Variants in PKHD1 observed in about 807,000 individuals in gnomAD.
PKHD1 encodes the protein fibrocystin.
A neutral mutation model predicts 412.0 loss-of-function variants in PKHD1; 291 were observed. The observed-to-expected ratio is 0.71, with a 90% confidence interval of 0.64 to 0.78. The LOEUF (loss-of-function observed/expected upper bound fraction) is 0.78. Ranked by LOEUF, PKHD1 falls within the 30% of genes least tolerant of loss-of-function variation. PKHD1 has a pLI of 0.00. For missense variants in PKHD1, 4,825 were observed against 4,950.7 expected, an observed-to-expected ratio of 0.97 and a Z score of 0.76; for synonymous variants, 1,777 against 1,821.5, an observed-to-expected ratio of 0.98 and a Z score of 0.62.
chr6:51,873,993 C>T (rs545674780), intron 46 of PKHD1, among the ~76,000 whole-genome samples: 1 of 152,132 alleles, frequency 6.6e-6, no homozygotes, highest in Non-Finnish European at 1.5e-5. Context: ...AATGAGATTT[C>T]TCCCAGGGAG....
At chr6:51,888,532 A>T (rs558510309) in intron 43 of PKHD1, among the ~76,000 whole-genome samples, 1 of 152,168 alleles carries the variant, frequency 6.6e-6, no homozygotes, top group Non-Finnish European at 1.5e-5. Context: ...TTAATAAAAA[A>T]TTCAGACTTT....
intron 37 of PKHD1, among the ~76,000 whole-genome samples, chr6:51,930,347 T>TCAAA (rs10666661): frequency 0.49 from 73,772 of 151,430 alleles, 19,592 homozygotes; most frequent in East Asian, 0.87. Context: ...TCATCTACTC[T>TCAAA]CAAACAGAAA....
At chr6:51,895,650 G>C (rs990855544) in intron 43 of PKHD1, among the ~76,000 whole-genome samples, 2 of 152,092 alleles carry the variant, frequency 1.3e-5, no homozygotes, top group South Asian at 2.1e-4. Context: ...AGAACTTTAA[G>C]GTCACCGGAG....
At chr6:51,786,556 C>T (rs1248521593) in intron 53 of PKHD1, among the ~76,000 whole-genome samples, 1 of 152,184 alleles carries the variant, frequency 6.6e-6, no homozygotes, top group African/African-American at 2.4e-5. Context: ...TCATCTACTA[C>T]CACCATTTCA....
chr6:52,065,658 G>C (rs1486047034), intron 12 of PKHD1, among the ~76,000 whole-genome samples: 3 of 152,222 alleles, frequency 2.0e-5, no homozygotes, highest in African/African-American at 7.2e-5. Flanking sequence ...AGAGTGAAGA[G>C]AGGGGCTGTT....
At chr6:51,816,010 A>G (rs1042461660) in intron 52 of PKHD1, among the ~76,000 whole-genome samples, 1 of 152,204 alleles carries the variant, frequency 6.6e-6, no homozygotes, top group African/African-American at 2.4e-5. Flanking sequence ...GCCATAGTAA[A>G]TAAACAGTAA....
chr6:52,071,677 G>A (rs1238934924), intron 8 of PKHD1, among the ~76,000 whole-genome samples: 1 of 152,118 alleles, frequency 6.6e-6, no homozygotes, highest in Non-Finnish European at 1.5e-5. Flanking sequence ...AACTCTAGGG[G>A]ATGATTAGTT....
chr6:51,633,608 A>T (rs1402221729), intron 64 of PKHD1, among the ~76,000 whole-genome samples: 1 of 152,182 alleles, frequency 6.6e-6, no homozygotes, highest in Non-Finnish European at 1.5e-5. Context: ...ATGAGCATAA[A>T]AGGCATTATG....
chr6:51,665,941 G>A (rs1562056348), intron 60 of PKHD1, among the ~76,000 whole-genome samples: 1 of 152,140 alleles, frequency 6.6e-6, no homozygotes, highest in Non-Finnish European at 1.5e-5. Context: ...ACAGGTGGAG[G>A]TGGGTGGGAG....
chr6:51,796,477 T>A (rs2151295495), intron 52 of PKHD1, among the ~76,000 whole-genome samples: 1 of 151,970 alleles, frequency 6.6e-6, no homozygotes, highest in East Asian at 1.9e-4. Flanking sequence ...TTTTGAAGGC[T>A]TTTCATGTCT....
rs148335285 is a variant in PKHD1 at position 52,033,091 on chromosome 6, T to C, written c.3303A>G (p.Thr1101=). 695 of 1,611,108 alleles carry C rather than the reference T, an allele frequency of 4.3e-4. 3 individuals carry two copies. The African/African-American group carries it at 8.3e-3, about 19-fold the overall frequency. The part of the protein sequence containing the change: ...DYSAVLPRAF[T]YVSSLNPVIV... ...TAACTGGATTTAAGGAAGAGACATA[T>C]GTAAATGCTCTGGGAAGAACTGCAG... The change falls in exon 29 of 67, where the codon ACA becomes ACG. Residue 1101 remains threonine, a synonymous_variant. Coordinates refer to ENST00000371117, the MANE Select transcript of PKHD1 (RefSeq NM_138694.4).
chr6:51,950,917 GT>G (rs1790274430), intron 36 of PKHD1, among the ~76,000 whole-genome samples: 1 of 152,168 alleles, frequency 6.6e-6, no homozygotes, highest in Admixed American at 6.5e-5. Context: ...ATGGAAATGT[GT>G]TGGTTTTAGT....
intron 55 of PKHD1, among the ~76,000 whole-genome samples, chr6:51,762,875 A>C (rs1234719028): frequency 6.6e-6 from 1 of 152,070 alleles, no homozygotes. Context: ...TTCTATAGTT[A>C]TGTAATATGC....
Position 51,903,739 on chromosome 6 carries a change from A to T in PKHD1, c.6866-12T>A. ...ATGTCCTGACCAGTCTAATGTTTCAACAAATCCAGGGGATCCACAAACATA... is the reference window on the plus strand; with the variant it reads ...ATGTCCTGACCAGTCTAATGTTTCATCAAATCCAGGGGATCCACAAACATA... On this transcript the variant is annotated splice_polypyrimidine_tract_variant and intron_variant, in intron 42 of 66. Coordinates refer to ENST00000371117, the MANE Select transcript of PKHD1 (RefSeq NM_138694.4). 6.2e-7 allele frequency: 1 copy of T among 1,606,638 alleles called. No homozygotes were observed.
At position 51,632,686 on chromosome 6, in the gene PKHD1, G is replaced by A; in HGVS notation, c.11544C>T (p.Val3848=). The A allele has an allele frequency of 6.2e-7, 1 of 1,613,606 alleles. No individual in the cohort carries two copies. The highest frequency in any genetic ancestry group is 8.5e-7 in the Non-Finnish European group (1 of 1,179,652). ...ACTTCTCCTTCCTAGTCACAGGCAAGACAGCAAATGGCTTGGATCGAGCTG... is the reference window on the plus strand; with the variant it reads ...ACTTCTCCTTCCTAGTCACAGGCAAAACAGCAAATGGCTTGGATCGAGCTG... ...NFTARSKPFA[V]LPVTRKEKST... The change falls in exon 65 of 67, where the codon GTC becomes GTT. Residue 3848 remains valine (V), a synonymous_variant. Transcript: ENST00000371117.
rs138242579 is a variant in PKHD1 at position 52,025,506 on chromosome 6, C to T, written c.4304G>A (p.Ser1435Asn). 1 of 1,613,772 alleles carries T rather than the reference C, an allele frequency of 6.2e-7. No individual in the cohort carries two copies. ...GCAGAGAATGGTGTGGTCTCCCAAA[C>T]TCAAAATCACACAAGTAAAAGGACC... ...LSGPFTCVIL[S>N]LGDHTILCQV... is the part of the protein sequence containing the mutation. The change falls in exon 32 of 67, where the codon AGT (serine) becomes AAT (asparagine). Residue 1435 changes from serine to asparagine, a missense_variant. By Grantham distance (46) the Ser-to-Asn change is conservative. Coordinates refer to ENST00000371117, the MANE Select transcript of PKHD1 (RefSeq NM_138694.4).
At chr6:51,835,571 A>C (rs1769065519) in intron 51 of PKHD1, among the ~76,000 whole-genome samples, 1 of 152,290 alleles carries the variant, frequency 6.6e-6, no homozygotes, top group Non-Finnish European at 1.5e-5. Flanking sequence ...ATTTTGAACC[A>C]CCTAAAGGCA....
intron 60 of PKHD1, among the ~76,000 whole-genome samples, chr6:51,725,470 T>C (rs1245413108): frequency 1.3e-5 from 2 of 152,156 alleles, no homozygotes; most frequent in East Asian, 3.9e-4. Flanking sequence ...ATGTTCATAT[T>C]TTATTTGGAA....
intron 36 of PKHD1, among the ~76,000 whole-genome samples, chr6:51,954,034 G>C (rs929070978): frequency 6.6e-6 from 1 of 152,024 alleles, no homozygotes; most frequent in Admixed American, 6.6e-5. Context: ...CAGTAATCCA[G>C]TTTGCTTTGT....
Sources: allele counts gnomAD v4.1 joint callset (sites outside exome capture counted in the v4.1 genomes callset), GRCh38; gene constraint gnomAD v4.1.1; transcripts MANE v1.5; gene names NCBI Gene and HGNC (gene_info 2026-07-23, HGNC 2026-07-21).